The following SLC17A9 variants were observed in gnomAD, a reference collection of about 807,000 sequenced individuals.
The protein encoded by SLC17A9 is voltage-gated purine nucleotide uniporter SLC17A9.
A neutral mutation model predicts 55.0 loss-of-function variants in SLC17A9; 49 were observed. The ratio of observed to expected loss-of-function variants is 0.89; its 90% CI spans 0.71 to 1.13. The LOEUF is 1.13. Ranked by LOEUF, SLC17A9 falls within the 50% of genes most tolerant of loss-of-function variation. The pLI is 0.00. For missense variants in SLC17A9, 526 were observed against 569.3 expected (o/e 0.92, Z 0.77); for synonymous variants, 256 against 247.4 (o/e 1.03, Z -0.32).
Position 62,967,388 on chromosome 20 carries a change from GGAC to G in SLC17A9, c.1200_1202del (p.Trp400_Thr401delinsCys). ...TACTTGATGGAGACCACGGGCTCCT[GGAC>G]TTGCCTGTTCAACCTTGTGGCCATC... is the stretch of plus-strand genomic sequence containing the variant. On this transcript the variant is annotated inframe_deletion, in exon 13 of 13. Coordinates refer to ENST00000370351, the MANE Select transcript of SLC17A9 (RefSeq NM_022082.4). The G allele has an allele frequency of 6.2e-7, 1 of 1,614,166 alleles. No individual in the cohort carries two copies. Among genetic ancestry groups the G allele is most frequent in the Non-Finnish European group, 8.5e-7 (1 of 1,180,022 alleles).
At chr20:62,960,162 C>T (rs1420330811) in intron 3 of SLC17A9, among the ~76,000 whole-genome samples, 5 of 152,164 alleles carry the variant, frequency 3.3e-5, no homozygotes, top group African/African-American at 1.2e-4. Flanking sequence ...CGTGTGCAGG[C>T]GCATGTGTGT....
At position 62,965,655 on chromosome 20, in the gene SLC17A9, C is replaced by T. The variant is rs759324066; in HGVS notation, c.991C>T (p.His331Tyr). 11 of 1,613,848 alleles carry T rather than the reference C, an allele frequency of 6.8e-6. No homozygotes were observed. The highest frequency in any genetic ancestry group is 8.5e-6 in the Non-Finnish European group (10 of 1,180,038). Residue 331 changes from histidine (H) to tyrosine (Y), a missense_variant, in exon 10 of 13, where the codon CAC becomes TAC. By Grantham distance (83) the His-to-Tyr change is moderately conservative. Coordinates refer to ENST00000370351, the MANE Select transcript of SLC17A9 (RefSeq NM_022082.4). ...LSSVFALCLG[H>Y]TSSFCESVVF... Reference sequence around the variant, plus strand: ...CAGCGTCTTTGCTCTGTGCCTGGGCCACACCTCCAGCTTCTGTGAGTCTGT... The same window carrying T: ...CAGCGTCTTTGCTCTGTGCCTGGGCTACACCTCCAGCTTCTGTGAGTCTGT...
rs2065652937 is a variant in SLC17A9, at chr20:62,967,671, G to A, written c.*171G>A. The A allele has an allele frequency of 1.9e-6, 1 of 528,020 alleles. No homozygotes were observed. Among genetic ancestry groups the A allele is most frequent in the Non-Finnish European group, 3.2e-6 (1 of 311,338 alleles). The allele number at this position is 528,020 out of a possible 1,614,324, so 32.7% of individuals were successfully genotyped here. ...AGAGTCCACAACAGCTGGTGGGAGG[G>A]TGGGGTGGGCCTGGGTCCAGACCAG... is the stretch of plus-strand genomic sequence containing the variant. On this transcript the variant is annotated 3_prime_UTR_variant, in exon 13 of 13. Coordinates refer to ENST00000370351, the MANE Select transcript of SLC17A9 (RefSeq NM_022082.4).
chr20:62,959,309 G>T (rs1395096586), intron 3 of SLC17A9, among the ~76,000 whole-genome samples: 1 of 152,238 alleles, frequency 6.6e-6, no homozygotes, highest in Non-Finnish European at 1.5e-5. Context: ...CGCTCCAGCT[G>T]CGCTTCCTCT....
chr20:62,963,660 G>T lies in SLC17A9; in HGVS notation c.802G>T (p.Glu268Ter). 6.2e-7 allele frequency: 1 copy of T among 1,600,404 alleles called. No homozygotes were observed. Among genetic ancestry groups the T allele is most frequent in the East Asian group, 2.2e-5 (1 of 44,490 alleles). Residue 268 changes from glutamate (E) to a stop codon, truncating the protein, a stop_gained, in exon 7 of 13, where the codon GAG becomes TAG. Transcript: ENST00000370351. LOFTEE classifies it high-confidence loss of function. The stretch of plus-strand genomic sequence containing the variant: ...CTCCTGGCTGCCCACCTTCTTCGAG[G>T]AGACCTTCCCCGACGCCAAGGTGAG... ...LLSWLPTFFE[E>*]TFPDAKGWIF...
At chr20:62,963,070 G>C (rs773718512) in intron 5 of SLC17A9, 1 of 655,376 alleles carries the variant, frequency 1.5e-6, no homozygotes, top group Middle Eastern at 2.5e-4. Flanking sequence ...GTGGAGGGTC[G>C]TTCAGAACGC....
chr20:62,965,851 C>A, intron 10 of SLC17A9, 126 bp downstream of exon 10: 1 of 884,614 alleles, frequency 1.1e-6, no homozygotes, highest in Non-Finnish European at 1.8e-6. Flanking sequence ...CCTTCCCAAG[C>A]TGCTGGGCAG....
chr20:62,967,680 G>GC lies in SLC17A9; in HGVS notation c.*182dup. ...AACAGCTGGTGGGAGGGTGGGGTGGGCCTGGGTCCAGACCAGGCTCGCTGC... is the reference window on the plus strand; with the variant it reads ...AACAGCTGGTGGGAGGGTGGGGTGGGCCCTGGGTCCAGACCAGGCTCGCTGC... On this transcript the variant is annotated 3_prime_UTR_variant, in exon 13 of 13. Transcript: ENST00000370351. The GC allele has an allele frequency of 7.1e-6, 2 of 282,786 alleles. No homozygotes were observed. The highest frequency in any genetic ancestry group is 1.4e-5 in the Non-Finnish European group (2 of 142,700). 17.5% of individuals were successfully genotyped at this position (282,786 alleles called of 1,614,324 possible).
Position 62,962,705 on chromosome 20 carries a change from C to T in SLC17A9, c.579C>T (p.Leu193=), listed in dbSNP as rs1226335061. The T allele has an allele frequency of 6.2e-6, 10 of 1,614,076 alleles. No homozygotes were observed. Among genetic ancestry groups the T allele is most frequent in the African/African-American group, 1.3e-5 (1 of 75,054 alleles). Reference sequence around the variant, plus strand: ...GCATCTTCTATTTCTCCGGCGGCCTCACCTTGCTTTGGGTGTGGTACGTGT... The same window carrying T: ...GCATCTTCTATTTCTCCGGCGGCCTTACCTTGCTTTGGGTGTGGTACGTGT... ...WQSIFYFSGG[L]TLLWVWYVYR... is the part of the protein sequence containing the mutation. The change falls in exon 5 of 13, where the codon CTC becomes CTT. Residue 193 remains leucine, a synonymous_variant. Coordinates refer to ENST00000370351, the MANE Select transcript of SLC17A9 (RefSeq NM_022082.4). This position sits in a 1 kb window ranked among gnomAD's most constrained non-coding sequence, Gnocchi z 5.5.
rs1360362302 is a variant in SLC17A9, at chr20:62,968,872, GC to G, written c.*1377del. On this transcript the variant is annotated 3_prime_UTR_variant, in exon 13 of 13. Coordinates refer to ENST00000370351, the MANE Select transcript of SLC17A9 (RefSeq NM_022082.4). ...CCACCCAGCTTTCCCAAGATGTGGG[GC>G]CCCCATGGAGTCAGACAGCCCAGCT... 6.6e-6 allele frequency: 1 copy of G among 152,272 alleles called. No homozygotes were observed. The highest frequency in any genetic ancestry group is 1.5e-5 in the Non-Finnish European group (1 of 68,060). The allele number at this position is 152,272 out of a possible 1,614,324, so 9.4% of individuals were successfully genotyped here.
chr20:62,965,168 T>G lies in SLC17A9; in HGVS notation c.945+2T>G. ...ATCACGGTGCGGAAGCTCATGCAGG[T>G]AGGAGAATCATTCCGGTCGTTCTCT... On this transcript the variant is annotated splice_donor_variant, in intron 9 of 12. Transcript: ENST00000370351. LOFTEE classifies it high-confidence loss of function. 1 of 1,614,088 alleles carries G rather than the reference T, an allele frequency of 6.2e-7. No homozygotes were observed.
At chr20:62,963,027 T>G in intron 5 of SLC17A9, 1 of 636,998 alleles carries the variant, frequency 1.6e-6, no homozygotes, top group Non-Finnish European at 2.7e-6. Context: ...CAGCCGAGTC[T>G]TTGGGTGGCC....
chr20:62,963,022 G>C, intron 5 of SLC17A9: 1 of 636,556 alleles, frequency 1.6e-6, no homozygotes. Context: ...AGGAGCAGCC[G>C]AGTCTTTGGG....
rs1235909676 is a variant in SLC17A9 at position 62,952,901 on chromosome 20, G to T, written c.59+12G>T. On this transcript the variant is annotated intron_variant, in intron 1 of 12. Coordinates refer to ENST00000370351, the MANE Select transcript of SLC17A9 (RefSeq NM_022082.4). Reference sequence around the variant, plus strand: ...ACCCAGTGGTCCAGGTGTGGCGGGGGTGAGGGGAGGGGGGGTGGGAGCGGT... The same window carrying T: ...ACCCAGTGGTCCAGGTGTGGCGGGGTTGAGGGGAGGGGGGGTGGGAGCGGT... 3 of 1,390,854 alleles carry T rather than the reference G, an allele frequency of 2.2e-6. No homozygotes were observed. Among genetic ancestry groups the T allele is most frequent in the African/African-American group, 1.4e-5 (1 of 69,250 alleles). The allele number at this position is 1,390,854 out of a possible 1,614,324, so 86.2% of individuals were successfully genotyped here.
chr20:62,954,096 C>T (rs113369028), intron 1 of SLC17A9, among the ~76,000 whole-genome samples: 282 of 114,696 alleles, frequency 2.5e-3, no homozygotes, highest in African/African-American at 3.9e-3. Context: ...CTACGTCCCT[C>T]CCAGGCTCGA....
rs966166871 is a variant in SLC17A9, at chr20:62,958,693, G to A, written c.397+1113G>A. Among the ~76,000 whole-genome samples the A allele has an allele frequency of 3.0e-4, 45 of 152,120 alleles. No individual in the cohort carries two copies. The highest frequency in any genetic ancestry group is 8.5e-4 in the Admixed American group (13 of 15,278). ...AACCTCTGCCCTCCCTCTCCTCCAA[G>A]TCCAGAGACTTTGGGGAGTTCACTC... On this transcript the variant is annotated intron_variant, in intron 3 of 12. Coordinates refer to ENST00000370351, the MANE Select transcript of SLC17A9 (RefSeq NM_022082.4). This position sits in a 1 kb window ranked among gnomAD's most constrained non-coding sequence, Gnocchi z 4.1.
chr20:62,965,224 C>T, intron 9 of SLC17A9, 58 bp downstream of exon 9: 1 of 1,609,100 alleles, frequency 6.2e-7, no homozygotes, highest in Non-Finnish European at 8.5e-7. Flanking sequence ...CAGGGTCTCC[C>T]AGGAACTCAG....
intron 1 of SLC17A9, chr20:62,953,279 G>T (rs1347783292): frequency 1.3e-6 from 2 of 1,549,058 alleles, no homozygotes; most frequent in Admixed American, 3.9e-5. Flanking sequence ...CCAGGTAGGG[G>T]GCACGGGCTG....
rs760310483 is a variant in SLC17A9, at chr20:62,957,429, T to C, written c.258-12T>C. The C allele has an allele frequency of 6.2e-5, 97 of 1,567,068 alleles. No individual in the cohort carries two copies. Among genetic ancestry groups the C allele is most frequent in the Non-Finnish European group, 8.1e-5 (94 of 1,158,560 alleles). Reference sequence around the variant, plus strand: ...ACAGCCACATCCTCACCTCCCTCTGTCTTCCCTCCAGGATTGGGGGTGAGA... The same window carrying C: ...ACAGCCACATCCTCACCTCCCTCTGCCTTCCCTCCAGGATTGGGGGTGAGA... On this transcript the variant is annotated splice_polypyrimidine_tract_variant and intron_variant, in intron 2 of 12. Coordinates refer to ENST00000370351, the MANE Select transcript of SLC17A9 (RefSeq NM_022082.4).
Sources: allele counts gnomAD v4.1 joint callset (sites outside exome capture counted in the v4.1 genomes callset), GRCh38; gene constraint gnomAD v4.1.1; non-coding constraint Gnocchi (gnomAD v3.1); transcripts MANE v1.5; gene names NCBI Gene and HGNC (gene_info 2026-07-23, HGNC 2026-07-21).